The following RNF150 variants were observed in gnomAD, a reference collection of about 807,000 sequenced individuals.
RNF150 encodes the protein ring finger protein 150.
In RNF150, 24 loss-of-function variants were observed where a neutral mutation model predicts 39.3. The ratio of observed to expected loss-of-function variants is 0.61; its 90% CI spans 0.44 to 0.86. The LOEUF (loss-of-function observed/expected upper bound fraction) is 0.86, where lower values mean the gene tolerates loss of function less well. Among genes scored for constraint, RNF150 ranks in the 40% least tolerant of loss-of-function variants. The pLI is 0.00. For synonymous variants in RNF150, 255 were observed against 227.3 expected (o/e 1.12, Z -1.10); for missense variants, 502 against 587.8 (o/e 0.85, Z 1.51).
At chr4:141,057,428 G>A (rs929924995) in intron 1 of RNF150, among the ~76,000 whole-genome samples, 3 of 152,098 alleles carry the variant, frequency 2.0e-5, no homozygotes, top group African/African-American at 7.2e-5. Flanking sequence ...AGTTTTTGGT[G>A]TACAGATTGT....
chr4:141,037,406 T>G (rs1038587517), intron 1 of RNF150, among the ~76,000 whole-genome samples: 2 of 152,012 alleles, frequency 1.3e-5, no homozygotes, highest in Non-Finnish European at 2.9e-5. Flanking sequence ...CTAATAACAA[T>G]AAGAAGAATA....
chr4:141,111,547 G>A (rs1739384353), intron 1 of RNF150, among the ~76,000 whole-genome samples: 1 of 152,086 alleles, frequency 6.6e-6, no homozygotes, highest in Non-Finnish European at 1.5e-5. Flanking sequence ...GAGGAAAAAA[G>A]GAATACTAAA....
intron 1 of RNF150, among the ~76,000 whole-genome samples, chr4:140,984,195 G>A (rs1207355353): frequency 6.6e-6 from 1 of 152,104 alleles, no homozygotes; most frequent in South Asian, 2.1e-4. Flanking sequence ...ATATCTTGAG[G>A]AGTGAAATAG....
intron 1 of RNF150, among the ~76,000 whole-genome samples, chr4:140,999,014 G>C (rs1734482178): frequency 7.7e-6 from 1 of 130,056 alleles, no homozygotes; most frequent in African/African-American, 2.9e-5. Context: ...TGCTGCTGCT[G>C]CTGCTGCTGA....
chr4:141,162,995 A>G (rs1312935303), intron 1 of RNF150, among the ~76,000 whole-genome samples: 1 of 152,240 alleles, frequency 6.6e-6, no homozygotes, highest in Non-Finnish European at 1.5e-5. Flanking sequence ...CAGGGAGCCA[A>G]CGGGTCTAAC....
intron 1 of RNF150, among the ~76,000 whole-genome samples, chr4:141,143,847 C>T (rs989846563): frequency 2.0e-5 from 3 of 152,166 alleles, no homozygotes; most frequent in Non-Finnish European, 4.4e-5. Flanking sequence ...AATGCCTCTT[C>T]CTTTATTTTA....
chr4:140,973,244 A>T (rs575549167), intron 1 of RNF150, among the ~76,000 whole-genome samples: 2 of 152,268 alleles, frequency 1.3e-5, no homozygotes, highest in East Asian at 3.9e-4. Context: ...AAAGAAATAA[A>T]TTATTCAACA....
At chr4:141,032,394 T>C (rs1735982132) in intron 1 of RNF150, among the ~76,000 whole-genome samples, 1 of 152,104 alleles carries the variant, frequency 6.6e-6, no homozygotes, top group South Asian at 2.1e-4. Flanking sequence ...TAATACTGTA[T>C]TGTGTACTTG....
intron 1 of RNF150, among the ~76,000 whole-genome samples, chr4:141,126,235 AC>A (rs1726752575): frequency 1.3e-5 from 2 of 152,160 alleles, no homozygotes; most frequent in African/African-American, 4.8e-5. Context: ...CTCTTAAAAA[AC>A]ATGTTTCTTA....
chr4:141,054,619 T>C (rs1475697165), intron 1 of RNF150, among the ~76,000 whole-genome samples: 1 of 152,106 alleles, frequency 6.6e-6, no homozygotes, highest in Non-Finnish European at 1.5e-5. Flanking sequence ...AAACTGAATG[T>C]CAAGTCATGT....
intron 6 of RNF150, among the ~76,000 whole-genome samples, chr4:140,905,384 G>A (rs1348687601): frequency 6.6e-6 from 1 of 152,050 alleles, no homozygotes; most frequent in Non-Finnish European, 1.5e-5. Flanking sequence ...AGTTTCTACT[G>A]AAGAGGCATG....
chr4:140,937,833 A>T (rs530306321), intron 4 of RNF150, among the ~76,000 whole-genome samples: 75 of 152,302 alleles, frequency 4.9e-4, no homozygotes, highest in Middle Eastern at 3.4e-3. Flanking sequence ...TAAAAAACAC[A>T]TTTAAAAACA....
At chr4:141,083,144 G>A (rs1295895289) in intron 1 of RNF150, among the ~76,000 whole-genome samples, 1 of 152,138 alleles carries the variant, frequency 6.6e-6, no homozygotes, top group African/African-American at 2.4e-5. Context: ...TGCCAGAATG[G>A]CTCATCACAG....
At chr4:140,908,993 T>C (rs935039472) in intron 6 of RNF150, among the ~76,000 whole-genome samples, 1 of 152,194 alleles carries the variant, frequency 6.6e-6, no homozygotes, top group African/African-American at 2.4e-5. Flanking sequence ...ATGCCTTAAA[T>C]GTTTTTCAAC....
At chr4:140,930,579 A>T (rs906921654) in intron 4 of RNF150, among the ~76,000 whole-genome samples, 5 of 152,184 alleles carry the variant, frequency 3.3e-5, no homozygotes, top group Admixed American at 6.5e-5. Context: ...CTGCCTCCAC[A>T]TGGTCAAGTC....
At chr4:140,990,324 T>G (rs758457770) in intron 1 of RNF150, among the ~76,000 whole-genome samples, 35 of 152,216 alleles carry the variant, frequency 2.3e-4, no homozygotes, top group Non-Finnish European at 4.6e-4. Flanking sequence ...ATAGCTTTCT[T>G]CACATTAACA....
intron 1 of RNF150, among the ~76,000 whole-genome samples, chr4:141,124,015 G>A (rs1201039691): frequency 1.3e-5 from 2 of 152,054 alleles, no homozygotes; most frequent in African/African-American, 4.8e-5. Context: ...TATTTGTCAG[G>A]ACCTACATGG....
At chr4:141,131,718 T>C (rs1170767039) in intron 1 of RNF150, among the ~76,000 whole-genome samples, 1 of 152,224 alleles carries the variant, frequency 6.6e-6, no homozygotes, top group Non-Finnish European at 1.5e-5. Context: ...CACACTCTTC[T>C]TGGCTTGTTG....
intron 1 of RNF150, among the ~76,000 whole-genome samples, chr4:141,149,922 C>T (rs933256228): frequency 3.3e-5 from 5 of 152,124 alleles, no homozygotes; most frequent in African/African-American, 1.2e-4. Context: ...TTTATTATGG[C>T]CATTCTTGCA....
Sources: gnomAD v4.1 joint callset for allele counts (sites outside exome capture counted in the v4.1 genomes callset) on GRCh38, gnomAD v4.1.1 for gene constraint, MANE v1.5 for transcripts, NCBI Gene and HGNC (gene_info 2026-07-23, HGNC 2026-07-21) for gene names.